MOGAT1: variants seen among roughly 807,000 people sequenced by gnomAD.
MOGAT1 encodes 2-acylglycerol O-acyltransferase 1.
Under a neutral mutation model 31.4 loss-of-function variants are expected in MOGAT1, and 32 were observed. The observed-to-expected ratio is 1.02, with a 90% CI of 0.77 to 1.37. MOGAT1 has a LOEUF of 1.37. Ranked by LOEUF, MOGAT1 falls within the 40% of genes most tolerant of loss-of-function variation. The pLI, the probability that MOGAT1 is intolerant of heterozygous loss-of-function variation, is 0.00. For synonymous variants in MOGAT1, 145 were observed against 144.5 expected, an observed-to-expected ratio of 1.00 and a Z score of -0.03; for missense variants, 426 against 402.0, an observed-to-expected ratio of 1.06 and a Z score of -0.51.
intron 3 of MOGAT1, among the ~76,000 whole-genome samples, chr2:222,691,282 A>G (rs2106038331): frequency 6.6e-6 from 1 of 151,754 alleles, no homozygotes; most frequent in South Asian, 2.1e-4. Context: ...ATCTTGGCTC[A>G]TTGCGACCTC....
intron 5 of MOGAT1, 26 bp from the exon 6 acceptor site, chr2:222,709,710 C>A (rs548782053): frequency 2.7e-5 from 44 of 1,608,988 alleles, no homozygotes; most frequent in Non-Finnish European, 3.6e-5. Context: ...TAGTTCCTCA[C>A]GTATGATGTA....
chr2:222,678,197 G>C (rs140696112), intron 1 of MOGAT1: 70 of 153,610 alleles, frequency 4.6e-4, no homozygotes, highest in Middle Eastern at 6.7e-3. Flanking sequence ...TTAACTGGAT[G>C]ATGAGTGCCG....
chr2:222,693,195 G>A (rs1692787549), intron 3 of MOGAT1, among the ~76,000 whole-genome samples: 1 of 152,154 alleles, frequency 6.6e-6, no homozygotes. Flanking sequence ...ACATTAAAAA[G>A]TGATTATTTC....
In MOGAT1 at chr2:222,709,773, G is replaced by T; in HGVS notation, c.891G>T (p.Pro297=). The change falls in exon 6 of 6, where the codon CCG becomes CCT. Residue 297 remains proline, a synonymous_variant. Transcript: ENST00000446656. ...RPIPVRQTLN[P]TQEQIEELHQ... ...TCCCTGTTCGTCAGACTCTGAACCC[G>T]ACCCAGGAGCAGATTGAGGAGTTAC... is the stretch of plus-strand genomic sequence containing the variant. The T allele has an allele frequency of 6.2e-7, 1 of 1,613,164 alleles. No homozygotes were observed. The highest frequency in any genetic ancestry group is 8.5e-7 in the Non-Finnish European group (1 of 1,179,490).
At chr2:222,679,995 C>T (rs1345818149) in intron 1 of MOGAT1, among the ~76,000 whole-genome samples, 1 of 152,036 alleles carries the variant, frequency 6.6e-6, no homozygotes, top group Non-Finnish European at 1.5e-5. Context: ...TTGTTTCTAC[C>T]TTACCCACTG....
At chr2:222,701,596 A>AAAAGAAAGAAAGGG (rs763465755) in intron 5 of MOGAT1, among the ~76,000 whole-genome samples, 3 of 138,978 alleles carry the variant, frequency 2.2e-5, no homozygotes, top group African/African-American at 8.4e-5. Context: ...GAAAGAAAGA[A>AAAAGAAAGAAAGGG]AGGGAGGGAG....
intron 3 of MOGAT1, among the ~76,000 whole-genome samples, chr2:222,693,611 C>T (rs1027786638): frequency 3.3e-5 from 5 of 151,978 alleles, no homozygotes; most frequent in South Asian, 4.2e-4. Context: ...AAGCAAGTCA[C>T]GTCTTACATG....
intron 1 of MOGAT1, among the ~76,000 whole-genome samples, chr2:222,687,861 G>A (rs142996185): frequency 9.9e-5 from 15 of 152,266 alleles, no homozygotes; most frequent in African/African-American, 3.1e-4. Context: ...CCCTCCTGTC[G>A]GTGATGATTC....
chr2:222,675,481 C>CTTTTTT (rs66486955), intron 1 of MOGAT1, among the ~76,000 whole-genome samples: 3 of 133,368 alleles, frequency 2.2e-5, no homozygotes, highest in East Asian at 2.2e-4. Flanking sequence ...TTTTCTTTTT[C>CTTTTTT]TTTTTTTTTT....
intron 5 of MOGAT1, 116 bp from the exon 6 acceptor site, chr2:222,709,616 GGAGT>G: frequency 4.9e-6 from 4 of 819,316 alleles, no homozygotes; most frequent in Non-Finnish European, 7.6e-6. Flanking sequence ...AACAAGGATT[GGAGT>G]GAGCAGGCTG....
chr2:222,701,844 G>T (rs1692934723), intron 5 of MOGAT1, among the ~76,000 whole-genome samples: 1 of 152,118 alleles, frequency 6.6e-6, no homozygotes, highest in African/African-American at 2.4e-5. Flanking sequence ...AAGTGGTATG[G>T]GTTTGAGGTC....
At chr2:222,673,993 G>A (rs761317958) in intron 1 of MOGAT1, among the ~76,000 whole-genome samples, 1 of 152,208 alleles carries the variant, frequency 6.6e-6, no homozygotes, top group Non-Finnish European at 1.5e-5. Flanking sequence ...GATCCCTAGA[G>A]TATTAACTCA....
In MOGAT1 at chr2:222,709,842, C is replaced by T. The variant is rs772945875; in HGVS notation, c.960C>T (p.His320=). The change falls in exon 6 of 6, where the codon CAC becomes CAT. Residue 320 remains histidine, a synonymous_variant. Coordinates refer to ENST00000446656, the MANE Select transcript of MOGAT1 (RefSeq NM_058165.3). ...AACTTAGGAAATTGTTTGAGGAACA[C>T]AAAGGAAAGTATGGCATTCCAGAGC... ...MEELRKLFEE[H]KGKYGIPEHE... 3.7e-6 allele frequency: 6 copies of T among 1,612,762 alleles called. No individual in the cohort carries two copies. The highest frequency in any genetic ancestry group is 4.2e-6 in the Non-Finnish European group (5 of 1,179,406).
chr2:222,702,521 A>ATACACACGTG (rs1350073635), intron 5 of MOGAT1, among the ~76,000 whole-genome samples: 1 of 152,204 alleles, frequency 6.6e-6, no homozygotes, highest in Non-Finnish European at 1.5e-5. Flanking sequence ...GCACATGTAT[A>ATACACACGTG]TACACACGTG....
At chr2:222,701,282 G>A (rs549765941) in intron 5 of MOGAT1, among the ~76,000 whole-genome samples, 3 of 104,134 alleles carry the variant, frequency 2.9e-5, no homozygotes, top group African/African-American at 1.4e-4. Flanking sequence ...AAAAGAGAGA[G>A]AGAGAGAGGA....
rs375330154 is a variant in MOGAT1, at chr2:222,709,745, C to G, written c.863C>G (p.Pro288Arg). Reference sequence around the variant, plus strand: ...ATTCCCTGATTTGCAGTTGGCCGCCCGATCCCTGTTCGTCAGACTCTGAAC... The same window carrying G: ...ATTCCCTGATTTGCAGTTGGCCGCCGGATCCCTGTTCGTCAGACTCTGAAC... The part of the protein sequence containing the change: ...RKAIHTVVGR[P>R]IPVRQTLNPT... Residue 288 changes from proline to arginine, a missense_variant, in exon 6 of 6, where the codon CCG becomes CGG. Transcript: ENST00000446656. 9 of 1,612,150 alleles carry G rather than the reference C, an allele frequency of 5.6e-6. No homozygotes were observed. The African/African-American group carries it at 6.7e-5, about 12-fold the overall frequency.
Position 222,701,299 on chromosome 2 carries a change from GGAGAGAGAGAGA to G in MOGAT1, c.853+6030_853+6041del, listed in dbSNP as rs1553562912. On this transcript the variant is annotated intron_variant, in intron 5 of 5. Coordinates refer to ENST00000446656, the MANE Select transcript of MOGAT1 (RefSeq NM_058165.3). ...AAGAGAGAGAGAGAGAGGAGGAGGA[GGAGAGAGAGAGA>G]GAGAGAGAGAGAGAGAGATAAAAGG... 4.9e-4 allele frequency among the ~76,000 whole-genome samples: 44 copies of G among 90,494 alleles called. 1 individual carries two copies. Among genetic ancestry groups the G allele is most frequent in the Non-Finnish European group, 7.7e-4 (33 of 42,904 alleles). The allele number at this position is 90,494 out of a possible 152,430, so 59.4% of individuals were successfully genotyped here.
In MOGAT1 at chr2:222,695,283, C is replaced by G. The variant is rs1015956965; in HGVS notation, c.848C>G (p.Thr283Ser). ...ATGACCTATAGGAAAGCCATCCACA[C>G]TGTTGGTATGTACATAAAATAACTA... ...GLMTYRKAIH[T>S]VVGRPIPVRQ... is the part of the protein sequence containing the mutation. Residue 283 changes from threonine to serine, a missense_variant, in exon 5 of 6, where the codon ACT becomes AGT. Physicochemically the swap from Thr to Ser is moderately conservative, Grantham distance 58. Coordinates refer to ENST00000446656, the MANE Select transcript of MOGAT1 (RefSeq NM_058165.3). The G allele has an allele frequency of 6.2e-7, 1 of 1,603,778 alleles. No homozygotes were observed. The highest frequency in any genetic ancestry group is 8.5e-7 in the Non-Finnish European group (1 of 1,172,502).
intron 5 of MOGAT1, among the ~76,000 whole-genome samples, chr2:222,706,519 C>A: frequency 7.8e-6 from 1 of 128,782 alleles, no homozygotes; most frequent in African/African-American, 2.9e-5. Context: ...CTTAAGCTCT[C>A]TGGAAGAACC....
Sources: gnomAD v4.1 joint callset for allele counts (sites outside exome capture counted in the v4.1 genomes callset) on GRCh38, gnomAD v4.1.1 for gene constraint, MANE v1.5 for transcripts, NCBI Gene and HGNC (gene_info 2026-07-23, HGNC 2026-07-21) for gene names.